The following RAD23B variants were observed in gnomAD, a reference collection of about 807,000 sequenced individuals.
RAD23B encodes the protein RAD23 nucleotide excision repair protein B.
Under a neutral mutation model 49.1 loss-of-function variants are expected in RAD23B, and 5 were observed. That is an observed-to-expected ratio of 0.10 (90% confidence interval 0.05 to 0.21). RAD23B has a LOEUF of 0.21. RAD23B is among the 10% of genes least tolerant of loss of function. The probability of loss-of-function intolerance (pLI) is 1.00; values close to 1 mark genes in which losing one functional copy is unlikely to be tolerated. For synonymous variants in RAD23B, 184 were observed against 165.4 expected, an observed-to-expected ratio of 1.11 and a Z score of -0.86; for missense variants, 356 against 486.7, an observed-to-expected ratio of 0.73 and a Z score of 2.53.
intron 1 of RAD23B, among the ~76,000 whole-genome samples, chr9:107,290,265 C>T (rs1051113662): frequency 1.3e-5 from 2 of 152,170 alleles, no homozygotes; most frequent in Non-Finnish European, 2.9e-5. Context: ...AAGGCAGGTC[C>T]TTCCACTTTT....
chr9:107,289,358 T>TG (rs1232033927), intron 1 of RAD23B, among the ~76,000 whole-genome samples: 1 of 151,092 alleles, frequency 6.6e-6, no homozygotes, highest in African/African-American at 2.4e-5. Flanking sequence ...CTAATTTTAG[T>TG]TTTTTTTTGT....
chr9:107,288,194 A>G (rs750543446), intron 1 of RAD23B, among the ~76,000 whole-genome samples: 1 of 152,108 alleles, frequency 6.6e-6, no homozygotes, highest in Non-Finnish European at 1.5e-5. Flanking sequence ...TGAACTGAAT[A>G]TATTCTTTTG....
At chr9:107,300,266 CT>C in intron 2 of RAD23B, 44 bp downstream of exon 2, 1 of 1,563,728 alleles carries the variant, frequency 6.4e-7, no homozygotes, top group Admixed American at 2.0e-5. Context: ...TCTTGATATT[CT>C]TTTAGTTTTA....
At chr9:107,301,279 G>A (rs1826645745) in intron 2 of RAD23B, among the ~76,000 whole-genome samples, 1 of 152,152 alleles carries the variant, frequency 6.6e-6, no homozygotes, top group Non-Finnish European at 1.5e-5. Context: ...TGATTTATCA[G>A]ATATCAGTAT....
chr9:107,303,479 A>C (rs1016944689), intron 3 of RAD23B, among the ~76,000 whole-genome samples: 1 of 152,244 alleles, frequency 6.6e-6, no homozygotes, highest in African/African-American at 2.4e-5. Context: ...AACAAGCAGA[A>C]TCGTGAGGAA....
chr9:107,317,914 TC>T (rs1018149040), intron 5 of RAD23B, among the ~76,000 whole-genome samples: 8 of 152,168 alleles, frequency 5.3e-5, no homozygotes, highest in Admixed American at 3.9e-4. Flanking sequence ...AACCTCTCTT[TC>T]CCCCGTTTCA....
Position 107,324,926 on chromosome 9 carries a change from T to C in RAD23B, c.1038T>C (p.Ser346=), listed in dbSNP as rs1306351995. The part of the protein sequence containing the change: ...GGQGGGGGGG[S]GGIAEAGSGH... ...AAGGAGGAGGAGGTGGAGGTGGCAGTGGAGGAATTGCAGAAGCTGGAAGTG... is the reference window on the plus strand; with the variant it reads ...AAGGAGGAGGAGGTGGAGGTGGCAGCGGAGGAATTGCAGAAGCTGGAAGTG... Residue 346 remains serine (S), a synonymous_variant, in exon 9 of 10, where the codon AGT becomes AGC. Coordinates refer to ENST00000358015, the MANE Select transcript of RAD23B (RefSeq NM_002874.5). 1 of 1,613,676 alleles carries C rather than the reference T, an allele frequency of 6.2e-7. No homozygotes were observed.
intron 8 of RAD23B, 145 bp downstream of exon 8, chr9:107,324,162 T>A: frequency 1.0e-6 from 1 of 973,390 alleles, no homozygotes; most frequent in Non-Finnish European, 1.5e-6. Flanking sequence ...GATATTGTAA[T>A]CTAGATAGGT....
At chr9:107,325,134 G>C (rs1394899524) in intron 9 of RAD23B, 130 bp downstream of exon 9, 4 of 737,356 alleles carry the variant, frequency 5.4e-6, no homozygotes, top group Non-Finnish European at 6.4e-6. Flanking sequence ...GGCCAACGTG[G>C]TGAAACCCCA....
chr9:107,302,538 C>A (rs11573668), intron 3 of RAD23B, among the ~76,000 whole-genome samples: 6 of 151,494 alleles, frequency 4.0e-5, no homozygotes, highest in African/African-American at 1.5e-4. Flanking sequence ...GGCATGAAAG[C>A]TTATTATTAC....
intron 5 of RAD23B, among the ~76,000 whole-genome samples, chr9:107,314,535 GTGAGTATTATTA>G (rs1826953260): frequency 1.3e-5 from 2 of 152,082 alleles, no homozygotes; most frequent in Admixed American, 6.5e-5. Flanking sequence ...TTTTTGATGG[GTGAGTATTATTA>G]CACACACACA....
Position 107,284,703 on chromosome 9 carries a change from A to C in RAD23B, c.66+1008A>C, listed in dbSNP as rs187481778. 131 of 1,111,974 alleles carry C rather than the reference A, an allele frequency of 1.2e-4. No individual in the cohort carries two copies. In the East Asian group the frequency reaches 7.1e-3, roughly 61 times the overall value. The allele number at this position is 1,111,974 out of a possible 1,614,324, so 68.9% of individuals were successfully genotyped here. On this transcript the variant is annotated intron_variant, in intron 1 of 9. Transcript: ENST00000358015. ...ACACCGCCAAGATTGTCATAATACT[A>C]AGTTTAAACCAGCAGCTTTCTGCCC...
chr9:107,285,061 A>T, intron 1 of RAD23B: 1 of 832,848 alleles, frequency 1.2e-6, no homozygotes, highest in Non-Finnish European at 1.7e-6. Flanking sequence ...CCTTTTTGGG[A>T]TTTTGGTACA....
Position 107,300,182 on chromosome 9 carries a change from A to G in RAD23B, c.108A>G (p.Lys36=). 1 of 1,609,646 alleles carries G rather than the reference A, an allele frequency of 6.2e-7. No homozygotes were observed. The highest frequency in any genetic ancestry group is 8.5e-7 in the Non-Finnish European group (1 of 1,177,850). Residue 36 remains lysine, a synonymous_variant, in exon 2 of 10, where the codon AAA becomes AAG. Coordinates refer to ENST00000358015, the MANE Select transcript of RAD23B (RefSeq NM_002874.5). ...LKEKIESEKG[K]DAFPVAGQKL... ...AGAAGATTGAATCTGAAAAGGGGAA[A>G]GATGCCTTTCCAGTAGCAGGTCAAA...
intron 1 of RAD23B, among the ~76,000 whole-genome samples, chr9:107,291,858 T>C (rs1359263908): frequency 6.6e-6 from 1 of 152,260 alleles, no homozygotes; most frequent in African/African-American, 2.4e-5. Context: ...TGCTATTATT[T>C]TTTAATTAGG....
At chr9:107,305,058 G>A (rs772597951) in intron 3 of RAD23B, among the ~76,000 whole-genome samples, 1 of 152,176 alleles carries the variant, frequency 6.6e-6, no homozygotes, top group African/African-American at 2.4e-5. Flanking sequence ...GGAGGCCAAG[G>A]TGGGCGGATC....
chr9:107,286,172 T>C (rs1833269499), intron 1 of RAD23B, among the ~76,000 whole-genome samples: 2 of 152,210 alleles, frequency 1.3e-5, no homozygotes, highest in Non-Finnish European at 2.9e-5. Context: ...GTATAGCAAC[T>C]CTTGTGAGCT....
chr9:107,297,171 T>A (rs936487813), intron 1 of RAD23B, among the ~76,000 whole-genome samples: 27 of 152,112 alleles, frequency 1.8e-4, no homozygotes, highest in East Asian at 5.8e-4. Context: ...CTTTTTTTTT[T>A]AATTTTTATT....
At chr9:107,306,072 T>TAG (rs1564245552) in intron 3 of RAD23B, among the ~76,000 whole-genome samples, 3 of 42,858 alleles carry the variant, frequency 7.0e-5, no homozygotes, top group Non-Finnish European at 8.3e-5. Context: ...TATATATATA[T>TAG]CTATATATCT....
Sources: allele counts gnomAD v4.1 joint callset (sites outside exome capture counted in the v4.1 genomes callset), GRCh38; gene constraint gnomAD v4.1.1; transcripts MANE v1.5; gene names NCBI Gene and HGNC (gene_info 2026-07-23, HGNC 2026-07-21).